CDH7: variants seen among roughly 807,000 people sequenced by gnomAD.
The protein encoded by CDH7 is cadherin-7.
CDH7 carries 25 observed loss-of-function variants against 71.8 expected under a neutral mutation model. That is an observed-to-expected ratio of 0.35 (90% confidence interval 0.25 to 0.49). The LOEUF is 0.49. CDH7 is among the 20% of genes least tolerant of loss of function. The pLI, the probability that CDH7 is intolerant of heterozygous loss-of-function variation, is 0.99. For synonymous variants in CDH7, 381 were observed against 363.8 expected (o/e 1.05, Z -0.54); for missense variants, 862 against 974.6 (o/e 0.88, Z 1.54).
At chr18:65,827,318 C>T (rs530625567) in intron 6 of CDH7, among the ~76,000 whole-genome samples, 52 of 151,890 alleles carry the variant, frequency 3.4e-4, no homozygotes, top group African/African-American at 1.2e-3. Flanking sequence ...ACAGGAGAAT[C>T]TTAAGAATCA....
chr18:65,772,296 C>T (rs538720923), intron 2 of CDH7, among the ~76,000 whole-genome samples: 1 of 152,240 alleles, frequency 6.6e-6, no homozygotes, highest in South Asian at 2.1e-4. Context: ...ACACATTCCG[C>T]ACTTGATTCT....
intron 3 of CDH7, among the ~76,000 whole-genome samples, chr18:65,814,057 T>C (rs544674091): frequency 6.6e-6 from 1 of 152,306 alleles, no homozygotes; most frequent in African/African-American, 2.4e-5. Context: ...ACTATGACAG[T>C]TGTATACCTG....
At chr18:65,873,335 T>A (rs751021641) in intron 11 of CDH7, among the ~76,000 whole-genome samples, 2 of 152,216 alleles carry the variant, frequency 1.3e-5, no homozygotes, top group African/African-American at 4.8e-5. Flanking sequence ...TATTCTGGTG[T>A]TTGAGTCTTT....
chr18:65,857,253 T>C (rs2244074), intron 7 of CDH7, among the ~76,000 whole-genome samples: 114,427 of 149,624 alleles, frequency 0.76, 43,940 homozygotes, highest in East Asian at 0.93. Flanking sequence ...GAGTCTGAGA[T>C]GGAAGGGTCA....
Position 65,859,831 on chromosome 18 carries a change from G to A in CDH7, c.1612+6G>A, listed in dbSNP as rs776459061. ...TTCATTGAAAGATAACAAAGGTAAT[G>A]TATTAATATTGTTACCGATAGAGGC... On this transcript the variant is annotated splice_donor_region_variant and intron_variant, in intron 10 of 11. Transcript: ENST00000397968. The A allele has an allele frequency of 6.8e-7, 1 of 1,474,904 alleles. No individual in the cohort carries two copies. Among genetic ancestry groups the A allele is most frequent in the Non-Finnish European group, 9.5e-7 (1 of 1,053,730 alleles). 91.4% of individuals were successfully genotyped at this position (1,474,904 alleles called of 1,614,324 possible).
intron 11 of CDH7, among the ~76,000 whole-genome samples, chr18:65,868,639 G>A (rs1913837054): frequency 6.6e-6 from 1 of 152,128 alleles, no homozygotes; most frequent in Admixed American, 6.5e-5. Flanking sequence ...CTATTTTATA[G>A]TATCTTCCAA....
chr18:65,875,777 A>T (rs1914056404), intron 11 of CDH7, among the ~76,000 whole-genome samples: 1 of 152,084 alleles, frequency 6.6e-6, no homozygotes, highest in African/African-American at 2.4e-5. Context: ...TCTGTACAAA[A>T]AATAGCCATG....
chr18:65,837,893 G>C (rs1398317064), intron 6 of CDH7, among the ~76,000 whole-genome samples: 1 of 151,190 alleles, frequency 6.6e-6, no homozygotes, highest in East Asian at 1.9e-4. Flanking sequence ...TTAAGGTTCT[G>C]GGTAGTATGT....
At chr18:65,802,210 G>A (rs997460352) in intron 2 of CDH7, among the ~76,000 whole-genome samples, 3 of 152,128 alleles carry the variant, frequency 2.0e-5, no homozygotes, top group Admixed American at 1.3e-4. Context: ...TTTGTTGTTG[G>A]TTGTGTTTTT....
intron 11 of CDH7, 105 bp downstream of exon 11, chr18:65,863,022 A>G (rs1913633549): frequency 1.0e-5 from 13 of 1,248,108 alleles, no homozygotes; most frequent in Non-Finnish European, 1.4e-5. Context: ...CAGATATTCT[A>G]CTGGATGGTG....
intron 11 of CDH7, among the ~76,000 whole-genome samples, chr18:65,875,175 C>A (rs912660475): frequency 6.6e-6 from 1 of 152,174 alleles, no homozygotes; most frequent in Non-Finnish European, 1.5e-5. Flanking sequence ...AGATTGGACA[C>A]CCCTGCTGTA....
chr18:65,835,057 CTGCCTCTATGGAGG>C (rs1337208741), intron 6 of CDH7, among the ~76,000 whole-genome samples: 5 of 152,114 alleles, frequency 3.3e-5, no homozygotes, highest in African/African-American at 1.2e-4. Context: ...CATGGTGGCT[CTGCCTCTATGGAGG>C]TGGCTGGCTG....
intron 3 of CDH7, among the ~76,000 whole-genome samples, chr18:65,811,678 A>G (rs189859373): frequency 6.6e-6 from 1 of 152,080 alleles, no homozygotes; most frequent in African/African-American, 2.4e-5. Context: ...AATTTTCGAG[A>G]TATGTTTGAG....
chr18:65,881,215 G>T lies in CDH7; in HGVS notation c.*321G>T, dbSNP rs77634690. The T allele has an allele frequency of 8.4e-5, 17 of 202,866 alleles. No individual in the cohort carries two copies. In the East Asian group the frequency reaches 2.0e-3, roughly 24 times the overall value. 12.6% of individuals were successfully genotyped at this position (202,866 alleles called of 1,614,324 possible). A position where few individuals can be genotyped will look rare whatever the true frequency, so the allele number is the denominator to read the frequency against. On this transcript the variant is annotated 3_prime_UTR_variant, in exon 12 of 12. Coordinates refer to ENST00000397968, the MANE Select transcript of CDH7 (RefSeq NM_004361.5). ...AAAGGCACCAAACCTCTATGAGAAA[G>T]TAGTGCCCTGTGTTGTCAGTGAGTC...
chr18:65,873,351 A>G (rs1913981861), intron 11 of CDH7, among the ~76,000 whole-genome samples: 1 of 152,198 alleles, frequency 6.6e-6, no homozygotes, highest in South Asian at 2.1e-4. Context: ...TCTTTTGTTT[A>G]GATCAGTTGT....
At chr18:65,818,592 A>T (rs1003506506) in intron 4 of CDH7, among the ~76,000 whole-genome samples, 1 of 152,236 alleles carries the variant, frequency 6.6e-6, no homozygotes, top group Non-Finnish European at 1.5e-5. Context: ...AAACAGAATA[A>T]GCTAATATTG....
In CDH7 at chr18:65,809,838, G is replaced by A; in HGVS notation, c.345G>A (p.Gln115=). 6.2e-7 allele frequency: 1 copy of A among 1,613,952 alleles called. No homozygotes were observed. Among genetic ancestry groups the A allele is most frequent in the Non-Finnish European group, 8.5e-7 (1 of 1,179,958 alleles). Residue 115 remains glutamine, a synonymous_variant, in exon 3 of 12, where the codon CAG becomes CAA. Transcript: ENST00000397968. ...CCAAGAGACTGGATCGTGAGGAGCA[G>A]GCCTACTACACGCTCCGAGCTCAAG... The part of the protein sequence containing the change: ...HATKRLDREE[Q]AYYTLRAQAL...
chr18:65,859,019 C>A lies in CDH7; in HGVS notation c.1467C>A (p.Thr489=), dbSNP rs147764044. 2 of 1,613,356 alleles carry A rather than the reference C, an allele frequency of 1.2e-6. No individual in the cohort carries two copies. Among genetic ancestry groups the A allele is most frequent in the East Asian group, 2.2e-5 (1 of 44,856 alleles). Residue 489 remains threonine, a synonymous_variant, in exon 9 of 12, where the codon ACC becomes ACA. Transcript: ENST00000397968. ...APEFAMDYET[T]VCENAQPGQV... is the part of the protein sequence containing the mutation. ...AATTTGCCATGGACTATGAGACCAC[C>A]GTCTGTGAAAATGCCCAGCCGGGGC...
At chr18:65,859,163 A>G (rs1399467092) in intron 9 of CDH7, 117 bp downstream of exon 9, 3 of 924,654 alleles carry the variant, frequency 3.2e-6, no homozygotes, top group Non-Finnish European at 5.1e-6. Context: ...TTGTTTCAGC[A>G]AAACTAACAC....
Sources: gnomAD v4.1 joint callset for allele counts (sites outside exome capture counted in the v4.1 genomes callset) on GRCh38, gnomAD v4.1.1 for gene constraint, MANE v1.5 for transcripts, NCBI Gene and HGNC (gene_info 2026-07-23, HGNC 2026-07-21) for gene names.